RCOR1: variants seen among roughly 807,000 people sequenced by gnomAD.
RCOR1 encodes the protein REST corepressor 1.
In RCOR1, 12 loss-of-function variants were observed where a neutral mutation model predicts 64.0. The ratio of observed to expected loss-of-function variants is 0.19; its 90% CI spans 0.12 to 0.30. RCOR1 has a LOEUF of 0.30. Among genes scored for constraint, RCOR1 ranks in the 10% least tolerant of loss-of-function variants. RCOR1 has a pLI of 1.00. For missense variants in RCOR1, 502 were observed against 621.2 expected (o/e 0.81, Z 2.04); for synonymous variants, 279 against 227.2 (o/e 1.23, Z -2.05).
intron 2 of RCOR1, among the ~76,000 whole-genome samples, chr14:102,597,628 C>CTTTTTTT (rs57656879): frequency 2.2e-5 from 1 of 44,950 alleles, no homozygotes; most frequent in Non-Finnish European, 3.8e-5. Flanking sequence ...TGCGCCCGAC[C>CTTTTTTT]TTTTTTTTTT....
At chr14:102,709,983 A>G (rs1170060500) in intron 6 of RCOR1, among the ~76,000 whole-genome samples, 7 of 151,996 alleles carry the variant, frequency 4.6e-5, no homozygotes, top group African/African-American at 1.7e-4. Context: ...CACCTCAACC[A>G]CTTTTGGGAT....
chr14:102,592,830 C>T lies in RCOR1; in HGVS notation c.-57C>T, dbSNP rs1893154671. 1.7e-6 allele frequency: 2 copies of T among 1,173,526 alleles called. No individual in the cohort carries two copies. Among genetic ancestry groups the T allele is most frequent in the Admixed American group, 4.6e-5 (1 of 21,528 alleles). 72.7% of individuals were successfully genotyped at this position (1,173,526 alleles called of 1,614,324 possible). A position where few individuals can be genotyped will look rare whatever the true frequency, so the allele number is the denominator to read the frequency against. On this transcript the variant is annotated 5_prime_UTR_variant, in exon 1 of 12. Coordinates refer to ENST00000262241, the MANE Select transcript of RCOR1 (RefSeq NM_015156.4). ...CCGCGCCCCCTCCCCCGTCTCGGCG[C>T]CCCCTCCTCAGGAGCCGCGGGTCCC...
chr14:102,716,293 T>C (rs1186361446), intron 8 of RCOR1, among the ~76,000 whole-genome samples: 1 of 152,222 alleles, frequency 6.6e-6, no homozygotes, highest in African/African-American at 2.4e-5. Context: ...TGAGTTGTTT[T>C]CTACAACTTG....
chr14:102,707,321 T>C (rs1187060761), intron 4 of RCOR1, 30 bp from the exon 5 acceptor site: 1 of 1,549,068 alleles, frequency 6.5e-7, no homozygotes, highest in Non-Finnish European at 8.7e-7. Context: ...TTTTGTTTGA[T>C]CTAAAATTTT....
intron 3 of RCOR1, among the ~76,000 whole-genome samples, chr14:102,694,099 A>C (rs1895595449): frequency 1.3e-5 from 2 of 152,162 alleles, no homozygotes; most frequent in South Asian, 4.1e-4. Context: ...AGAGATCTTG[A>C]AAAATGCACT....
chr14:102,592,964 C>A lies in RCOR1; in HGVS notation c.78C>A (p.Ser26=). 3 of 1,148,430 alleles carry A rather than the reference C, an allele frequency of 2.6e-6. No individual in the cohort carries two copies. The highest frequency in any genetic ancestry group is 3.1e-5 in the South Asian group (1 of 32,760). The allele number at this position is 1,148,430 out of a possible 1,614,324, so 71.1% of individuals were successfully genotyped here. Residue 26 remains serine, a synonymous_variant, in exon 1 of 12, where the codon TCC becomes TCA. Coordinates refer to ENST00000262241, the MANE Select transcript of RCOR1 (RefSeq NM_015156.4). ...GGAACAACGCGGCCGCCTCCGCCTC[C>A]GCCGCCGCCGCCTCCGCCGCCGCCT... ...RGRNNAAASA[S]AAAASAAASA...
In RCOR1 at chr14:102,719,172, T is replaced by C. The variant is rs140239483; in HGVS notation, c.1054-1835T>C. Among the ~76,000 whole-genome samples the C allele has an allele frequency of 5.7e-3, 871 of 151,998 alleles. 11 individuals are homozygous for C. Among genetic ancestry groups the C allele is most frequent in the African/African-American group, 0.02 (828 of 41,422 alleles). ...ATCTCGGCTCACTGCAACCCCTGCC[T>C]CCCAGACTCAAGCTATCCTCCCACC... is the stretch of plus-strand genomic sequence containing the variant. On this transcript the variant is annotated intron_variant, in intron 8 of 11. Coordinates refer to ENST00000262241, the MANE Select transcript of RCOR1 (RefSeq NM_015156.4).
intron 2 of RCOR1, among the ~76,000 whole-genome samples, chr14:102,612,997 A>G (rs554939698): frequency 8.6e-5 from 13 of 151,146 alleles, no homozygotes; most frequent in Non-Finnish European, 1.8e-4. Flanking sequence ...TGACTACCGT[A>G]TTGATGATTC....
chr14:102,692,276 A>G (rs1895549499), intron 3 of RCOR1, among the ~76,000 whole-genome samples: 1 of 152,200 alleles, frequency 6.6e-6, no homozygotes, highest in African/African-American at 2.4e-5. Flanking sequence ...TCAGTTCACC[A>G]AATTGTTCTG....
intron 2 of RCOR1, among the ~76,000 whole-genome samples, chr14:102,618,331 A>G (rs1893805582): frequency 6.6e-6 from 1 of 151,762 alleles, no homozygotes; most frequent in South Asian, 2.1e-4. Context: ...TGGGTTGAGT[A>G]CAGGGACTGA....
intron 8 of RCOR1, among the ~76,000 whole-genome samples, chr14:102,715,663 G>A (rs893524398): frequency 6.6e-6 from 1 of 152,140 alleles, no homozygotes; most frequent in African/African-American, 2.4e-5. Flanking sequence ...GAGATTACAG[G>A]TGTGAGCTAC....
chr14:102,679,393 A>AT (rs1317659785), intron 2 of RCOR1, among the ~76,000 whole-genome samples: 1 of 151,010 alleles, frequency 6.6e-6, no homozygotes, highest in African/African-American at 2.4e-5. Context: ...TTTTGGCTTG[A>AT]TTTTGCCTTC....
chr14:102,676,021 A>T (rs1159230215), intron 2 of RCOR1, among the ~76,000 whole-genome samples: 1 of 143,102 alleles, frequency 7.0e-6, no homozygotes, highest in African/African-American at 2.7e-5. Context: ...AAACATCTGA[A>T]TATTTCACAG....
Position 102,593,201 on chromosome 14 carries a change from G to A in RCOR1, c.301+14G>A. The A allele has an allele frequency of 2.0e-6, 3 of 1,476,250 alleles. No homozygotes were observed. Among genetic ancestry groups the A allele is most frequent in the Non-Finnish European group, 1.8e-6 (2 of 1,118,752 alleles). The allele number at this position is 1,476,250 out of a possible 1,614,324, so 91.4% of individuals were successfully genotyped here. ...ACGAGGAGCACGGTAGGTGGCAGCC[G>A]CCCCCGCGGCCCCGGGCCCCGCGCC... On this transcript the variant is annotated intron_variant, in intron 1 of 11. Transcript: ENST00000262241.
At chr14:102,677,798 T>G (rs1238646732) in intron 2 of RCOR1, among the ~76,000 whole-genome samples, 2 of 146,594 alleles carry the variant, frequency 1.4e-5, no homozygotes, top group South Asian at 2.2e-4. Flanking sequence ...CCAGACGGGG[T>G]GGCGGCTGGG....
chr14:102,701,692 T>TA (rs1475133508), intron 4 of RCOR1, among the ~76,000 whole-genome samples: 1 of 152,236 alleles, frequency 6.6e-6, no homozygotes, highest in Non-Finnish European at 1.5e-5. Flanking sequence ...TTCACATTCT[T>TA]ACCTAAAGTG....
At chr14:102,698,553 A>C (rs1329785354) in intron 3 of RCOR1, among the ~76,000 whole-genome samples, 30 of 152,208 alleles carry the variant, frequency 2.0e-4, no homozygotes, top group Admixed American at 2.0e-3. Flanking sequence ...GTATTTATTA[A>C]AGGAAGGAAC....
intron 2 of RCOR1, among the ~76,000 whole-genome samples, chr14:102,604,441 A>G (rs1409549225): frequency 6.6e-6 from 1 of 152,146 alleles, no homozygotes; most frequent in Admixed American, 6.6e-5. Context: ...CGAAAGAATG[A>G]TCTATCCAGG....
intron 2 of RCOR1, chr14:102,659,416 T>G: frequency 3.1e-6 from 1 of 318,144 alleles, no homozygotes; most frequent in Non-Finnish European, 4.5e-6. Flanking sequence ...ATTCATCTTA[T>G]TTTACTGGAG....
Sources: allele counts gnomAD v4.1 joint callset (sites outside exome capture counted in the v4.1 genomes callset), GRCh38; gene constraint gnomAD v4.1.1; transcripts MANE v1.5; gene names NCBI Gene and HGNC (gene_info 2026-07-23, HGNC 2026-07-21).